Variants in FHOD3 observed in about 807,000 individuals in gnomAD.
FHOD3 encodes FH1/FH2 domain-containing protein 3.
In FHOD3, 90 loss-of-function variants were observed where a neutral mutation model predicts 173.0. The observed-to-expected ratio is 0.52, with a 90% CI of 0.44 to 0.62. The LOEUF (loss-of-function observed/expected upper bound fraction) is 0.62, where lower values mean the gene tolerates loss of function less well. Among genes scored for constraint, FHOD3 ranks in the 20% least tolerant of loss-of-function variants. FHOD3 has a pLI of 0.00. For missense variants in FHOD3, 1,945 were observed against 2,034.7 expected (o/e 0.96, Z 0.85); for synonymous variants, 828 against 823.0 (o/e 1.01, Z -0.10).
intron 3 of FHOD3, among the ~76,000 whole-genome samples, chr18:36,414,355 A>G (rs1373502083): frequency 1.3e-5 from 2 of 152,218 alleles, no homozygotes; most frequent in African/African-American, 2.4e-5. Flanking sequence ...AATCCTACTG[A>G]CCTCAGATGT....
intron 15 of FHOD3, among the ~76,000 whole-genome samples, chr18:36,682,656 C>T (rs766437714): frequency 7.9e-5 from 12 of 152,140 alleles, no homozygotes; most frequent in Non-Finnish European, 1.3e-4. Flanking sequence ...AATCTTGGCT[C>T]CCAGCAACCT....
chr18:36,332,057 A>G (rs2045044136), intron 1 of FHOD3, among the ~76,000 whole-genome samples: 1 of 152,204 alleles, frequency 6.6e-6, no homozygotes, highest in African/African-American at 2.4e-5. Context: ...CCTCCTCACC[A>G]GTCCCTTCCT....
At chr18:36,685,122 G>A (rs2038520320) in intron 15 of FHOD3, among the ~76,000 whole-genome samples, 1 of 152,164 alleles carries the variant, frequency 6.6e-6, no homozygotes, top group African/African-American at 2.4e-5. Context: ...ATAATATACA[G>A]GAATTATGTT....
intron 4 of FHOD3, among the ~76,000 whole-genome samples, chr18:36,502,238 TA>T (rs2055070061): frequency 7.5e-6 from 1 of 133,336 alleles, no homozygotes; most frequent in Non-Finnish European, 1.7e-5. Context: ...TATTTACTTC[TA>T]GTTTTTTTTT....
At chr18:36,298,049 G>A in intron 1 of FHOD3, 49 bp downstream of exon 1, 1 of 1,406,704 alleles carries the variant, frequency 7.1e-7, no homozygotes, top group South Asian at 1.6e-5. Context: ...GCCCCCTGCC[G>A]CGGTGCGCGC....
At chr18:36,743,946 T>G (rs2042029103) in intron 22 of FHOD3, 86 bp from the exon 23 acceptor site, 18 of 1,456,912 alleles carry the variant, frequency 1.2e-5, no homozygotes, top group Non-Finnish European at 1.7e-5. Flanking sequence ...GTTGGGTGAC[T>G]GCAGCCAAGA....
intron 19 of FHOD3, among the ~76,000 whole-genome samples, chr18:36,722,681 T>C (rs1170104650): frequency 3.3e-5 from 5 of 152,148 alleles, no homozygotes; most frequent in African/African-American, 1.2e-4. Context: ...GATAGCTCAC[T>C]ACGGCCTCAA....
At chr18:36,674,987 A>G (rs1172224666) in intron 14 of FHOD3, among the ~76,000 whole-genome samples, 2 of 152,200 alleles carry the variant, frequency 1.3e-5, no homozygotes, top group Non-Finnish European at 1.5e-5. Flanking sequence ...TTGAATGCCA[A>G]TACTACTTTT....
chr18:36,349,377 G>T (rs1208271397), intron 1 of FHOD3, among the ~76,000 whole-genome samples: 3 of 152,178 alleles, frequency 2.0e-5, no homozygotes, highest in Non-Finnish European at 4.4e-5. Flanking sequence ...ACCTCTAGAG[G>T]GAATTTGCTG....
intron 6 of FHOD3, among the ~76,000 whole-genome samples, chr18:36,591,166 T>C (rs534327457): frequency 6.6e-6 from 1 of 152,242 alleles, no homozygotes; most frequent in South Asian, 2.1e-4. Flanking sequence ...TCCAACCGTG[T>C]AGTTGAGAAA....
chr18:36,633,180 A>T (rs1476272417), intron 10 of FHOD3, among the ~76,000 whole-genome samples: 2 of 152,202 alleles, frequency 1.3e-5, no homozygotes, highest in Non-Finnish European at 2.9e-5. Context: ...GGAAGGTCAT[A>T]TACCAGTTAA....
At chr18:36,527,177 T>C (rs2056560236) in intron 5 of FHOD3, among the ~76,000 whole-genome samples, 1 of 152,138 alleles carries the variant, frequency 6.6e-6, no homozygotes, top group Non-Finnish European at 1.5e-5. Flanking sequence ...CTGACTACCT[T>C]CTCTGGAGCT....
At chr18:36,586,766 C>T (rs1337134113) in intron 6 of FHOD3, among the ~76,000 whole-genome samples, 1 of 152,160 alleles carries the variant, frequency 6.6e-6, no homozygotes, top group African/African-American at 2.4e-5. Flanking sequence ...AGACATGAGC[C>T]ACCGTGCCTG....
chr18:36,477,593 A>G, intron 3 of FHOD3, among the ~76,000 whole-genome samples: 1 of 146,152 alleles, frequency 6.8e-6, no homozygotes, highest in African/African-American at 2.6e-5. Context: ...CTACCTACCT[A>G]CCTACCTATC....
intron 5 of FHOD3, among the ~76,000 whole-genome samples, chr18:36,550,454 T>G (rs61594189): frequency 1.3e-5 from 2 of 151,528 alleles, no homozygotes; most frequent in Non-Finnish European, 2.9e-5. Context: ...AGAATTTTGG[T>G]TTTTTTTCTG....
At chr18:36,478,496 A>G (rs56865957) in intron 3 of FHOD3, among the ~76,000 whole-genome samples, 18,136 of 125,124 alleles carry the variant, frequency 0.14, 1,513 homozygotes, top group East Asian at 0.31. Context: ...ATCAAATACT[A>G]GCTCTTACTC....
chr18:36,587,713 C>T (rs1339952389), intron 6 of FHOD3, among the ~76,000 whole-genome samples: 1 of 152,116 alleles, frequency 6.6e-6, no homozygotes, highest in Non-Finnish European at 1.5e-5. Context: ...ATTGCTTGAA[C>T]CCTCGAGGTG....
intron 9 of FHOD3, among the ~76,000 whole-genome samples, chr18:36,612,436 C>G (rs1395374471): frequency 6.6e-6 from 1 of 152,182 alleles, no homozygotes; most frequent in African/African-American, 2.4e-5. Context: ...ACAGAAATCA[C>G]ATTTCTTATA....
intron 6 of FHOD3, 137 bp from the exon 7 acceptor site, chr18:36,594,650 G>T (rs1327787343): frequency 4.9e-6 from 3 of 616,568 alleles, no homozygotes; most frequent in Non-Finnish European, 8.8e-6. Context: ...GGATTGTGAG[G>T]ATCTGTGAAG....
Sources: gnomAD v4.1 joint callset for allele counts (sites outside exome capture counted in the v4.1 genomes callset) on GRCh38, gnomAD v4.1.1 for gene constraint, MANE v1.5 for transcripts, NCBI Gene and HGNC (gene_info 2026-07-23, HGNC 2026-07-21) for gene names.